The following PPARA variants were observed in gnomAD, a reference collection of about 807,000 sequenced individuals.
PPARA encodes the protein peroxisome proliferator activated receptor alpha.
A neutral mutation model predicts 42.2 loss-of-function variants in PPARA; 22 were observed. The observed-to-expected ratio is 0.52, with a 90% CI of 0.37 to 0.74. The LOEUF (loss-of-function observed/expected upper bound fraction) is 0.74. PPARA is among the 30% of genes least tolerant of loss of function. The probability of loss-of-function intolerance (pLI) is 0.00; values close to 1 mark genes in which losing one functional copy is unlikely to be tolerated. For missense variants in PPARA, 465 were observed against 608.2 expected, an observed-to-expected ratio of 0.76 and a Z score of 2.48; for synonymous variants, 242 against 239.3, an observed-to-expected ratio of 1.01 and a Z score of -0.10.
Position 46,243,603 on chromosome 22 carries a change from C to T in PPARA, c.*8223C>T, listed in dbSNP as rs993601108. 1 of 152,396 alleles carries T rather than the reference C, an allele frequency of 6.6e-6. No homozygotes were observed. Among genetic ancestry groups the T allele is most frequent in the Non-Finnish European group, 1.5e-5 (1 of 68,028 alleles). The allele number at this position is 152,396 out of a possible 1,614,324, so 9.4% of individuals were successfully genotyped here. On this transcript the variant is annotated 3_prime_UTR_variant, in exon 9 of 9. Transcript: ENST00000407236. This position sits in a 1 kb window ranked among gnomAD's most constrained non-coding sequence, Gnocchi z 5.0. ...GGGTCTTCGTTTTCCTATTAGGAGA[C>T]TGAACTGACCACATGTATTGATTTA...
rs759063258 is a variant in PPARA, at chr22:46,235,082, G to C, written c.1160-51G>C. On this transcript the variant is annotated intron_variant, in intron 8 of 8. Coordinates refer to ENST00000407236, the MANE Select transcript of PPARA (RefSeq NM_005036.6). This position sits in a 1 kb window ranked among gnomAD's most constrained non-coding sequence, Gnocchi z 7.0. ...GTTTGGTTCCTGAAACTGATAAGCAGTTCTTGGGTGATTATCACACTCAAA... is the reference window on the plus strand; with the variant it reads ...GTTTGGTTCCTGAAACTGATAAGCACTTCTTGGGTGATTATCACACTCAAA... 2 of 1,612,700 alleles carry C rather than the reference G, an allele frequency of 1.2e-6. No individual in the cohort carries two copies. The highest frequency in any genetic ancestry group is 1.7e-6 in the Non-Finnish European group (2 of 1,178,976).
chr22:46,169,609 C>G (rs1927674273), intron 2 of PPARA, among the ~76,000 whole-genome samples: 1 of 151,950 alleles, frequency 6.6e-6, no homozygotes, highest in Non-Finnish European at 1.5e-5. Context: ...GTACTTTCCA[C>G]TCAATTTTTC....
rs1936233591 is a variant in PPARA at position 46,236,946 on chromosome 22, T to C, written c.*1566T>C. Reference sequence around the variant, plus strand: ...AGTCCAGCTGGGAAGGCAGCGTTGATTATGGTAGTTTGTCAAGAATATATG... The same window carrying C: ...AGTCCAGCTGGGAAGGCAGCGTTGACTATGGTAGTTTGTCAAGAATATATG... On this transcript the variant is annotated 3_prime_UTR_variant, in exon 9 of 9. Transcript: ENST00000407236. The surrounding 1 kb of genome is among the most constrained non-coding windows in gnomAD (Gnocchi z 5.2). The C allele has an allele frequency of 6.6e-6, 1 of 152,180 alleles. No homozygotes were observed. Among genetic ancestry groups the C allele is most frequent in the African/African-American group, 2.4e-5 (1 of 41,440 alleles). 9.4% of individuals were successfully genotyped at this position (152,180 alleles called of 1,614,324 possible).
chr22:46,164,938 TA>T (rs1296039239), intron 2 of PPARA: 3 of 152,152 alleles, frequency 2.0e-5, no homozygotes, highest in Non-Finnish European at 4.4e-5. Flanking sequence ...ATAAGACGAG[TA>T]GCTATTTCAA....
Position 46,233,443 on chromosome 22 carries a change from G to T in PPARA, c.1159+1204G>T, listed in dbSNP as rs1601829256. 6.6e-6 allele frequency among the ~76,000 whole-genome samples: 1 copy of T among 152,166 alleles called. No homozygotes were observed. Among genetic ancestry groups the T allele is most frequent in the East Asian group, 1.9e-4 (1 of 5,204 alleles). The stretch of plus-strand genomic sequence containing the variant: ...CCCAGGGTTGGTGGAGACAGATGGG[G>T]TCTCCCACACTGCCTGCAGCCATAC... On this transcript the variant is annotated intron_variant, in intron 8 of 8. Transcript: ENST00000407236. The surrounding 1 kb of genome is among the most constrained non-coding windows in gnomAD (Gnocchi z 7.3).
Position 46,212,426 on chromosome 22 carries a change from C to T in PPARA, c.209-2747C>T, listed in dbSNP as rs1204384293. On this transcript the variant is annotated intron_variant, in intron 4 of 8. Coordinates refer to ENST00000407236, the MANE Select transcript of PPARA (RefSeq NM_005036.6). The surrounding 1 kb of genome is among the most constrained non-coding windows in gnomAD (Gnocchi z 4.2). ...CCCATGCTTCACCTATTCAACCCTG[C>T]CTCTCCCACCCCCAGCCAGCTCAGA... 6.6e-6 allele frequency among the ~76,000 whole-genome samples: 1 copy of T among 152,152 alleles called. No homozygotes were observed. Among genetic ancestry groups the T allele is most frequent in the East Asian group, 1.9e-4 (1 of 5,192 alleles).
Position 46,236,699 on chromosome 22 carries a change from A to G in PPARA, c.*1319A>G, listed in dbSNP as rs41489148. Reference sequence around the variant, plus strand: ...GCTCTCTGGAGCGCAGACGAGGCACATGTGTCTTCATAGCCTGGGCTGGGT... The same window carrying G: ...GCTCTCTGGAGCGCAGACGAGGCACGTGTGTCTTCATAGCCTGGGCTGGGT... On this transcript the variant is annotated 3_prime_UTR_variant, in exon 9 of 9. Transcript: ENST00000407236. The surrounding 1 kb of genome is among the most constrained non-coding windows in gnomAD (Gnocchi z 5.2). The G allele has an allele frequency of 4.3e-4, 66 of 152,750 alleles. No individual in the cohort carries two copies. The highest frequency in any genetic ancestry group is 1.5e-3 in the African/African-American group (62 of 41,586). The allele number at this position is 152,750 out of a possible 1,614,324, so 9.5% of individuals were successfully genotyped here. A position where few individuals can be genotyped will look rare whatever the true frequency, so the allele number is the denominator to read the frequency against.
chr22:46,177,116 C>T (rs1028609035), intron 3 of PPARA, among the ~76,000 whole-genome samples: 1 of 152,094 alleles, frequency 6.6e-6, no homozygotes, highest in Non-Finnish European at 1.5e-5. Context: ...GAGGCTGAGG[C>T]AGGAGAATGG....
intron 4 of PPARA, among the ~76,000 whole-genome samples, chr22:46,210,713 G>C (rs1210281456): frequency 6.6e-6 from 1 of 152,134 alleles, no homozygotes; most frequent in Non-Finnish European, 1.5e-5. Context: ...CAAAGTGCTA[G>C]GATTACAGGC....
intron 4 of PPARA, among the ~76,000 whole-genome samples, chr22:46,207,671 ATTATTATTTTT>A (rs1251306283): frequency 6.9e-4 from 51 of 74,392 alleles, no homozygotes; most frequent in Non-Finnish European, 1.1e-3. Flanking sequence ...TATTATTATT[ATTATTATTTTT>A]TTTTTTTTTT....
At chr22:46,217,440 T>A (rs1190907125) in intron 5 of PPARA, among the ~76,000 whole-genome samples, 4 of 152,214 alleles carry the variant, frequency 2.6e-5, no homozygotes, top group Non-Finnish European at 4.4e-5. Flanking sequence ...TATGGACTAT[T>A]TAGTAACATT....
rs555440066 is a variant in PPARA at position 46,219,371 on chromosome 22, C to T, written c.509-441C>T. The stretch of plus-strand genomic sequence containing the variant: ...CGTTATGAATTTCCTTCTAGCCAAT[C>T]ATTTAATAGTTTCAGAACATGCTAA... On this transcript the variant is annotated intron_variant, in intron 6 of 8. Transcript: ENST00000407236. The surrounding 1 kb of genome is among the most constrained non-coding windows in gnomAD (Gnocchi z 4.8). Among the ~76,000 whole-genome samples, 4 of 152,284 alleles carry T rather than the reference C, an allele frequency of 2.6e-5. No individual in the cohort carries two copies. Among genetic ancestry groups the T allele is most frequent in the Admixed American group, 2.0e-4 (3 of 15,292 alleles).
At chr22:46,228,446 G>A (rs1935625033) in intron 7 of PPARA, among the ~76,000 whole-genome samples, 1 of 152,176 alleles carries the variant, frequency 6.6e-6, no homozygotes, top group Admixed American at 6.5e-5. Flanking sequence ...TGAGGCAGGA[G>A]AATCACTCAA....
At chr22:46,179,764 G>A (rs1321770303) in intron 3 of PPARA, among the ~76,000 whole-genome samples, 1 of 151,946 alleles carries the variant, frequency 6.6e-6, no homozygotes, top group Non-Finnish European at 1.5e-5. Flanking sequence ...AGTTTTAGGA[G>A]AATGAAAACA....
In PPARA at chr22:46,170,819, C is replaced by G. The variant is rs190681734; in HGVS notation, c.-126-5934C>G. ...GAGGAAAGGCATCTGTACTGCCCCC[C>G]AAATGTGTAGAATGGGATGCATTCC... On this transcript the variant is annotated intron_variant, in intron 2 of 8. Transcript: ENST00000407236. Among the ~76,000 whole-genome samples the G allele has an allele frequency of 2.4e-4, 37 of 151,642 alleles. 2 individuals carry two copies. The Middle Eastern group carries it at 0.017, about 70-fold the overall frequency.
At chr22:46,207,669 TTATTATTA>T (rs1386021350) in intron 4 of PPARA, among the ~76,000 whole-genome samples, 13 of 115,258 alleles carry the variant, frequency 1.1e-4, no homozygotes, top group Non-Finnish European at 1.7e-4. Flanking sequence ...ATTATTATTA[TTATTATTA>T]TTTTTTTTTT....
chr22:46,235,274 G>GGCAGCTGGTGACGGAGCATGC lies in PPARA; in HGVS notation c.1312_1332dup (p.Thr438_Val444dup). 1.9e-6 allele frequency: 3 copies of GGCAGCTGGTGACGGAGCATGC among 1,614,014 alleles called. No homozygotes were observed. The highest frequency in any genetic ancestry group is 1.1e-5 in the South Asian group (1 of 91,070). Reference sequence around the variant, plus strand: ...CTTCTTCAAAAAATGGCAGACCTCCGGCAGCTGGTGACGGAGCATGCGCAG... The same window carrying GGCAGCTGGTGACGGAGCATGC: ...CTTCTTCAAAAAATGGCAGACCTCCGGCAGCTGGTGACGGAGCATGCGCAGCTGGTGACGGAGCATGCGCAG... On this transcript the variant is annotated inframe_insertion, in exon 9 of 9. Coordinates refer to ENST00000407236, the MANE Select transcript of PPARA (RefSeq NM_005036.6). This position sits in a 1 kb window ranked among gnomAD's most constrained non-coding sequence, Gnocchi z 7.0.
At chr22:46,213,546 T>G (rs1179737213) in intron 4 of PPARA, among the ~76,000 whole-genome samples, 4 of 151,944 alleles carry the variant, frequency 2.6e-5, no homozygotes, top group Non-Finnish European at 5.9e-5. Flanking sequence ...TAGCTGGGAC[T>G]ACAGGCACGC....
Position 46,188,656 on chromosome 22 carries a change from A to G in PPARA, c.-42-9686A>G, listed in dbSNP as rs1931133904. ...AAGAAAAAAAATACATGCAGCTGCC[A>G]TTGAGGGCCTGGCCCACGTGTGATG... On this transcript the variant is annotated intron_variant, in intron 3 of 8. Coordinates refer to ENST00000407236, the MANE Select transcript of PPARA (RefSeq NM_005036.6). The surrounding 1 kb of genome is among the most constrained non-coding windows in gnomAD (Gnocchi z 5.0). 1 of 152,172 alleles carries G rather than the reference A, an allele frequency of 6.6e-6. No homozygotes were observed. Among genetic ancestry groups the G allele is most frequent in the Non-Finnish European group, 1.5e-5 (1 of 68,044 alleles). The allele number at this position is 152,172 out of a possible 1,614,324, so 9.4% of individuals were successfully genotyped here.
Sources: gnomAD v4.1 joint callset for allele counts (sites outside exome capture counted in the v4.1 genomes callset) on GRCh38, gnomAD v4.1.1 for gene constraint, Gnocchi (gnomAD v3.1) non-coding constraint, MANE v1.5 for transcripts, NCBI Gene and HGNC (gene_info 2026-07-23, HGNC 2026-07-21) for gene names.